ACTR3C: variants seen among roughly 807,000 people sequenced by gnomAD.
ACTR3C encodes the protein actin related protein 3C, also known as actin-related protein 3C.
Under a neutral mutation model 26.3 loss-of-function variants are expected in ACTR3C, and 18 were observed. That is an observed-to-expected ratio of 0.68 (90% CI 0.47 to 1.01). The LOEUF (loss-of-function observed/expected upper bound fraction) is 1.01. Among genes scored for constraint, ACTR3C ranks in the 50% least tolerant of loss-of-function variants. ACTR3C has a pLI of 0.00. For synonymous variants in ACTR3C, 55 were observed against 94.5 expected (o/e 0.58, Z 2.42); for missense variants, 184 against 250.7 (o/e 0.73, Z 1.80).
At chr7:150,124,216 T>C in the ACTR3C span, among the ~76,000 whole-genome samples, 24 of 152,362 alleles carry the variant, frequency 1.6e-4, 1 homozygote, top group South Asian at 2.9e-3. Flanking sequence ...TTACTTTCAC[T>C]ATAACACTAT....
At chr7:149,924,085 G>T in the ACTR3C span, among the ~76,000 whole-genome samples, 1 of 150,788 alleles carries the variant, frequency 6.6e-6, no homozygotes, top group Admixed American at 6.6e-5. Context: ...TATAAAGATT[G>T]TATCTCCTAG....
chr7:150,118,465 A>T, the ACTR3C span, among the ~76,000 whole-genome samples: 1 of 150,434 alleles, frequency 6.6e-6, no homozygotes, highest in Admixed American at 6.6e-5. Flanking sequence ...TGAAGCAATC[A>T]AGCAGAAGAA....
the ACTR3C span, among the ~76,000 whole-genome samples, chr7:150,082,078 G>T: frequency 1.3e-5 from 2 of 152,164 alleles, no homozygotes; most frequent in African/African-American, 4.8e-5. Context: ...TAATGTCATG[G>T]CAACCACTCT....
At chr7:150,174,363 G>A in the ACTR3C span, among the ~76,000 whole-genome samples, 9 of 138,306 alleles carry the variant, frequency 6.5e-5, 1 homozygote, top group Admixed American at 1.4e-4. Flanking sequence ...CAGATCTTGT[G>A]AGACTTATTC....
chr7:150,161,065 G>T, the ACTR3C span, among the ~76,000 whole-genome samples: 1 of 150,728 alleles, frequency 6.6e-6, no homozygotes, highest in Non-Finnish European at 1.5e-5. Context: ...GGCAGGGAGG[G>T]TTCATTTCTC....
At chr7:150,321,044 T>C (rs1563217614) in intron 1 of ACTR3C, among the ~76,000 whole-genome samples, 1 of 152,180 alleles carries the variant, frequency 6.6e-6, no homozygotes, top group Admixed American at 6.5e-5. Flanking sequence ...GGTCCTTAAC[T>C]CACTTAGTTC....
the ACTR3C span, among the ~76,000 whole-genome samples, chr7:150,035,735 C>A: frequency 7.2e-6 from 1 of 138,328 alleles, no homozygotes; most frequent in Non-Finnish European, 1.6e-5. Flanking sequence ...GTCTGGCTCT[C>A]AGTCCCCGCC....
At chr7:150,036,103 CAA>C in the ACTR3C span, among the ~76,000 whole-genome samples, 1 of 130,188 alleles carries the variant, frequency 7.7e-6, no homozygotes, top group African/African-American at 2.9e-5. Context: ...GATGGGGGTG[CAA>C]AGAGCCAGGG....
the ACTR3C span, among the ~76,000 whole-genome samples, chr7:149,954,650 A>C: frequency 6.6e-6 from 1 of 152,202 alleles, no homozygotes; most frequent in Admixed American, 6.5e-5. Context: ...ATATTTGCCC[A>C]CTTATATTCT....
chr7:150,089,494 G>A, the ACTR3C span, among the ~76,000 whole-genome samples: 1 of 152,360 alleles, frequency 6.6e-6, no homozygotes, highest in East Asian at 1.9e-4. Flanking sequence ...GGTCAAGGGA[G>A]TAATTTGTCA....
chr7:149,923,214 C>CATAT, the ACTR3C span, among the ~76,000 whole-genome samples: 3 of 150,614 alleles, frequency 2.0e-5, no homozygotes, highest in Non-Finnish European at 4.4e-5. Flanking sequence ...TGTTTAAATA[C>CATAT]ATATATATGT....
the ACTR3C span, among the ~76,000 whole-genome samples, chr7:150,050,424 A>G: frequency 2.0e-5 from 3 of 152,242 alleles, no homozygotes; most frequent in African/African-American, 7.2e-5. Flanking sequence ...AAAGCATTGT[A>G]GGTAACTATA....
At chr7:149,953,887 A>G in the ACTR3C span, among the ~76,000 whole-genome samples, 87 of 139,152 alleles carry the variant, frequency 6.3e-4, no homozygotes, top group Non-Finnish European at 1.3e-3. Context: ...CAAGGAATAC[A>G]TGGCAGGGAG....
At chr7:150,033,422 T>C in the ACTR3C span, among the ~76,000 whole-genome samples, 1 of 152,202 alleles carries the variant, frequency 6.6e-6, no homozygotes, top group Admixed American at 6.5e-5. Flanking sequence ...CACTGTCTTT[T>C]TTATTAGGGT....
At chr7:150,019,497 CAGG>C in the ACTR3C span, among the ~76,000 whole-genome samples, 1 of 140,514 alleles carries the variant, frequency 7.1e-6, no homozygotes, top group South Asian at 2.1e-4. Context: ...GAGGCTGAGG[CAGG>C]AGAATTGCTT....
the ACTR3C span, among the ~76,000 whole-genome samples, chr7:150,102,673 G>A: frequency 5.3e-5 from 8 of 152,084 alleles, no homozygotes; most frequent in African/African-American, 1.9e-4. Flanking sequence ...TCCTGATGGT[G>A]CTGGACCTTT....
chr7:150,291,705 G>T (rs1342973060), intron 3 of ACTR3C, among the ~76,000 whole-genome samples: 1 of 151,874 alleles, frequency 6.6e-6, no homozygotes, highest in Non-Finnish European at 1.5e-5. Context: ...ACCAAAGGGG[G>T]TGCAGGCCAG....
chr7:150,046,068 T>C, the ACTR3C span, among the ~76,000 whole-genome samples: 1 of 152,164 alleles, frequency 6.6e-6, no homozygotes, highest in Non-Finnish European at 1.5e-5. Context: ...CCCACCAAAG[T>C]GAGGGACATG....
At chr7:150,036,799 A>C in the ACTR3C span, among the ~76,000 whole-genome samples, 1 of 136,964 alleles carries the variant, frequency 7.3e-6, no homozygotes, top group African/African-American at 2.6e-5. Context: ...TTGGACACCT[A>C]ACACCCACAG....
Sources: allele counts gnomAD v4.1 joint callset (sites outside exome capture counted in the v4.1 genomes callset), GRCh38; gene constraint gnomAD v4.1.1; transcripts MANE v1.5; gene names NCBI Gene and HGNC (gene_info 2026-07-23, HGNC 2026-07-21).